DPY19L3: variants seen among roughly 807,000 people sequenced by gnomAD.
DPY19L3 encodes the protein protein C-mannosyl-transferase DPY19L3.
A neutral mutation model predicts 92.3 loss-of-function variants in DPY19L3; 51 were observed. The observed-to-expected ratio is 0.55, with a 90% confidence interval of 0.44 to 0.70. The LOEUF (loss-of-function observed/expected upper bound fraction) is 0.70, where lower values mean the gene tolerates loss of function less well. Among genes scored for constraint, DPY19L3 ranks in the 30% least tolerant of loss-of-function variants. DPY19L3 has a pLI of 0.00. For synonymous variants in DPY19L3, 309 were observed against 315.2 expected (o/e 0.98, Z 0.21); for missense variants, 706 against 855.9 (o/e 0.82, Z 2.18).
In DPY19L3 at chr19:32,411,392, A is replaced by G. The variant is rs975733214; in HGVS notation, c.237+20A>G. The stretch of plus-strand genomic sequence containing the variant: ...ATTAAGGTATGGAGTTTCTTTGACC[A>G]TTGTATCATTCACTCAGTGGGATCT... On this transcript the variant is annotated intron_variant, in intron 3 of 18. Coordinates refer to ENST00000392250, the MANE Select transcript of DPY19L3 (RefSeq NM_001172774.2). 3.7e-6 allele frequency: 6 copies of G among 1,613,472 alleles called. No individual in the cohort carries two copies. In the African/African-American group the frequency reaches 6.7e-5, roughly 18 times the overall value.
chr19:32,414,593 C>CAAA (rs917176857), intron 3 of DPY19L3, among the ~76,000 whole-genome samples: 2 of 113,652 alleles, frequency 1.8e-5, no homozygotes, highest in African/African-American at 3.2e-5. Flanking sequence ...GATTTCATCT[C>CAAA]AAAAAAAAAA....
intron 12 of DPY19L3, among the ~76,000 whole-genome samples, chr19:32,459,340 G>A (rs1378936603): frequency 6.6e-6 from 1 of 152,178 alleles, no homozygotes; most frequent in Non-Finnish European, 1.5e-5. Flanking sequence ...TGAAGCTCAC[G>A]AGGAAGCCCT....
At chr19:32,462,633 T>C (rs1970075567) in intron 12 of DPY19L3, among the ~76,000 whole-genome samples, 1 of 152,220 alleles carries the variant, frequency 6.6e-6, no homozygotes, top group South Asian at 2.1e-4. Flanking sequence ...TCAGGACATA[T>C]GTTCTCTATT....
At chr19:32,437,816 T>A (rs937320717) in intron 6 of DPY19L3, among the ~76,000 whole-genome samples, 1 of 152,078 alleles carries the variant, frequency 6.6e-6, no homozygotes, top group Non-Finnish European at 1.5e-5. Context: ...ATGAAGACTT[T>A]TAAAATTTTT....
At chr19:32,412,923 C>G (rs1195035677) in intron 3 of DPY19L3, 2 of 151,442 alleles carry the variant, frequency 1.3e-5, no homozygotes, top group African/African-American at 4.9e-5. Flanking sequence ...GAGCAATACT[C>G]TTTATCAAAA....
intron 5 of DPY19L3, among the ~76,000 whole-genome samples, chr19:32,436,929 C>T (rs757041753): frequency 2.6e-5 from 4 of 151,466 alleles, no homozygotes; most frequent in Non-Finnish European, 5.9e-5. Flanking sequence ...ATGTGAATGA[C>T]GTATCATCAG....
chr19:32,444,830 C>T (rs1396742182), intron 8 of DPY19L3, among the ~76,000 whole-genome samples: 7 of 152,056 alleles, frequency 4.6e-5, no homozygotes, highest in South Asian at 4.1e-4. Context: ...CGCCTGTAAT[C>T]CCAGCACTTT....
At chr19:32,479,078 T>C (rs1970596841) in intron 17 of DPY19L3, among the ~76,000 whole-genome samples, 1 of 152,214 alleles carries the variant, frequency 6.6e-6, no homozygotes, top group South Asian at 2.1e-4. Flanking sequence ...CTAATGTCAC[T>C]TTTTTCATGT....
At chr19:32,480,846 G>GT (rs1970652247) in intron 18 of DPY19L3, 2 of 481,566 alleles carry the variant, frequency 4.2e-6, no homozygotes, top group African/African-American at 3.9e-5. Flanking sequence ...TGCATAAAAT[G>GT]TATCTGTGAA....
intron 17 of DPY19L3, among the ~76,000 whole-genome samples, chr19:32,478,485 C>T (rs1342455028): frequency 6.6e-6 from 1 of 152,174 alleles, no homozygotes; most frequent in African/African-American, 2.4e-5. Context: ...AAATTCAGAA[C>T]ATACAAAAGG....
intron 1 of DPY19L3, among the ~76,000 whole-genome samples, chr19:32,407,962 G>A (rs1045279897): frequency 2.0e-5 from 3 of 152,056 alleles, no homozygotes; most frequent in Admixed American, 6.5e-5. Context: ...AGTAGCACAT[G>A]CCTGTAGTCC....
chr19:32,461,520 A>AT (rs1970039926), intron 12 of DPY19L3, among the ~76,000 whole-genome samples: 1 of 152,116 alleles, frequency 6.6e-6, no homozygotes, highest in African/African-American at 2.4e-5. Flanking sequence ...GGATATTCTT[A>AT]TTTGGAGTAT....
At chr19:32,431,532 A>G (rs944649445) in intron 3 of DPY19L3, among the ~76,000 whole-genome samples, 1 of 152,230 alleles carries the variant, frequency 6.6e-6, no homozygotes, top group African/African-American at 2.4e-5. Context: ...GTACAGGTTA[A>G]GTATCCCTCA....
chr19:32,431,383 A>AAG (rs1406627686), intron 3 of DPY19L3, among the ~76,000 whole-genome samples: 1 of 152,048 alleles, frequency 6.6e-6, no homozygotes, highest in Non-Finnish European at 1.5e-5. Context: ...TCTCAAAAAA[A>AAG]AAAAACAGAT....
chr19:32,409,117 C>T (rs1275114776), intron 2 of DPY19L3, among the ~76,000 whole-genome samples: 1 of 152,232 alleles, frequency 6.6e-6, no homozygotes, highest in Non-Finnish European at 1.5e-5. Flanking sequence ...ACACCTGGCT[C>T]AGCCATTAGC....
At chr19:32,419,096 A>G (rs571710952) in intron 3 of DPY19L3, among the ~76,000 whole-genome samples, 1 of 151,186 alleles carries the variant, frequency 6.6e-6, no homozygotes, top group East Asian at 1.9e-4. Flanking sequence ...AATACCCTTT[A>G]TTGAATGTCT....
intron 15 of DPY19L3, among the ~76,000 whole-genome samples, chr19:32,466,870 A>G (rs921899842): frequency 1.3e-5 from 2 of 152,242 alleles, no homozygotes; most frequent in South Asian, 2.1e-4. Flanking sequence ...TTAAGATGGT[A>G]TGGGTATGAG....
intron 3 of DPY19L3, among the ~76,000 whole-genome samples, chr19:32,417,382 C>T (rs1032274358): frequency 9.2e-5 from 14 of 152,206 alleles, no homozygotes; most frequent in African/African-American, 3.1e-4. Context: ...TGCAGTGGCA[C>T]GATCTCAGCT....
intron 15 of DPY19L3, chr19:32,467,387 C>G (rs1043894146): frequency 2.1e-6 from 2 of 971,390 alleles, no homozygotes; most frequent in Middle Eastern, 2.8e-4. Flanking sequence ...TATTGGTTAT[C>G]AAATTAGTAA....
Sources: allele counts gnomAD v4.1 joint callset (sites outside exome capture counted in the v4.1 genomes callset), GRCh38; gene constraint gnomAD v4.1.1; transcripts MANE v1.5; gene names NCBI Gene and HGNC (gene_info 2026-07-23, HGNC 2026-07-21).